Variants in DMD observed in about 807,000 individuals in gnomAD.
The protein encoded by DMD is dystrophin.
In DMD, 63 loss-of-function variants were observed where a neutral mutation model predicts 330.1. That is an observed-to-expected ratio of 0.19 (90% confidence interval 0.16 to 0.24). The LOEUF is 0.24. DMD is among the 10% of genes least tolerant of loss of function. The pLI is 1.00. For missense variants in DMD, 3,344 were observed against 2,684.1 expected (o/e 1.25, Z -5.43); for synonymous variants, 1,223 against 959.8 (o/e 1.27, Z -5.07).
intron 43 of DMD, among the ~76,000 whole-genome samples, chrX:32,273,973 GCA>G (rs1261198027): frequency 8.9e-6 from 1 of 111,835 alleles, no homozygotes; most frequent in African/African-American, 3.3e-5. Context: ...AGTACATTTA[GCA>G]CAGTTTTATT....
chrX:31,254,449 C>G (rs6631284), intron 63 of DMD, among the ~76,000 whole-genome samples: 1 of 110,282 alleles, frequency 9.1e-6, no homozygotes, highest in Non-Finnish European at 1.9e-5. Flanking sequence ...CTCGTCCTCC[C>G]GGGCTCAAGC....
intron 30 of DMD, among the ~76,000 whole-genome samples, chrX:32,411,505 A>G (rs969300462): frequency 9.0e-6 from 1 of 111,567 alleles, no homozygotes; most frequent in African/African-American, 3.3e-5. Flanking sequence ...CAGAAACACC[A>G]GAACGTATTG....
intron 16 of DMD, among the ~76,000 whole-genome samples, chrX:32,554,766 T>G (rs1345677219): frequency 1.1e-5 from 1 of 90,098 alleles, no homozygotes; most frequent in Non-Finnish European, 2.2e-5. Context: ...CAAACTTATA[T>G]TATGAGGTCA....
intron 42 of DMD, among the ~76,000 whole-genome samples, chrX:32,294,134 T>C (rs2097485893): frequency 9.0e-6 from 1 of 111,711 alleles, no homozygotes; most frequent in Non-Finnish European, 1.9e-5. Flanking sequence ...CTCTGAATTC[T>C]TTTAAGTCAC....
At chrX:32,214,810 C>A (rs939748879) in intron 44 of DMD, among the ~76,000 whole-genome samples, 2 of 111,946 alleles carry the variant, frequency 1.8e-5, no homozygotes, top group Non-Finnish European at 3.8e-5. Flanking sequence ...TTTGAAGTAT[C>A]AAGCACGCGC....
At chrX:32,320,401 A>T (rs2097606738) in intron 41 of DMD, among the ~76,000 whole-genome samples, 1 of 111,958 alleles carries the variant, frequency 8.9e-6, no homozygotes, top group South Asian at 3.6e-4. Context: ...AAAGAAATGT[A>T]AATCTAAATT....
chrX:31,750,291 G>A (rs1834903925), intron 51 of DMD, among the ~76,000 whole-genome samples: 1 of 106,455 alleles, frequency 9.4e-6, no homozygotes, highest in African/African-American at 3.4e-5. Flanking sequence ...TAACGTTTAA[G>A]TCTTTAATCC....
intron 12 of DMD, among the ~76,000 whole-genome samples, chrX:32,601,751 C>A (rs1445395406): frequency 9.1e-6 from 1 of 109,710 alleles, no homozygotes; most frequent in Non-Finnish European, 1.9e-5. Flanking sequence ...CCACACCAAG[C>A]CTCAGCTTCC....
At chrX:32,512,875 G>A (rs2045479945) in intron 18 of DMD, among the ~76,000 whole-genome samples, 1 of 111,512 alleles carries the variant, frequency 9.0e-6, no homozygotes, top group Admixed American at 9.5e-5. Flanking sequence ...CAAGGAAGTG[G>A]GGCTTTGTTT....
intron 51 of DMD, among the ~76,000 whole-genome samples, chrX:31,751,176 C>A (rs1166951050): frequency 9.2e-6 from 1 of 109,229 alleles, no homozygotes; most frequent in Non-Finnish European, 1.9e-5. Context: ...CAAAAAAGAG[C>A]CCGCATCGCC....
intron 2 of DMD, among the ~76,000 whole-genome samples, chrX:32,922,886 TGTAGA>T (rs2088580939): frequency 8.9e-6 from 1 of 112,634 alleles, no homozygotes; most frequent in Non-Finnish European, 1.9e-5. Flanking sequence ...TACACTGTAT[TGTAGA>T]GTCTCAATAA....
intron 51 of DMD, among the ~76,000 whole-genome samples, chrX:31,739,788 A>T (rs1409637038): frequency 1.8e-5 from 2 of 108,536 alleles, no homozygotes; most frequent in African/African-American, 6.7e-5. Flanking sequence ...AAAAAACTAA[A>T]AAATAAATAA....
intron 9 of DMD, among the ~76,000 whole-genome samples, chrX:32,669,637 T>C (rs1003162413): frequency 2.7e-5 from 3 of 111,951 alleles, no homozygotes; most frequent in African/African-American, 9.8e-5. Context: ...CTGTTGATAA[T>C]AAACCCTGAT....
At chrX:33,019,654 C>G (rs185419201) in intron 2 of DMD, among the ~76,000 whole-genome samples, 83 of 111,425 alleles carry the variant, frequency 7.4e-4, no homozygotes, top group African/African-American at 2.7e-3. Context: ...GGATTGAAGC[C>G]TGCACAAAAA....
intron 44 of DMD, among the ~76,000 whole-genome samples, chrX:32,155,060 G>GTTT (rs201936359): frequency 1.0e-5 from 1 of 95,561 alleles, no homozygotes. Flanking sequence ...CCCTTGCTGT[G>GTTT]TTTTTTTTTT....
intron 60 of DMD, among the ~76,000 whole-genome samples, chrX:31,390,665 TTCTC>T (rs1445505979): frequency 9.0e-6 from 1 of 111,409 alleles, no homozygotes; most frequent in Non-Finnish European, 1.9e-5. Flanking sequence ...ATCTGTTCAT[TTCTC>T]TCTATTTCCA....
At chrX:32,020,995 A>G (rs2095802217) in intron 44 of DMD, among the ~76,000 whole-genome samples, 1 of 112,245 alleles carries the variant, frequency 8.9e-6, no homozygotes, top group East Asian at 2.8e-4. Context: ...TGTGTGCACT[A>G]CAAATTGCAG....
chrX:32,166,270 C>T (rs1448327306), intron 44 of DMD, among the ~76,000 whole-genome samples: 1 of 110,427 alleles, frequency 9.1e-6, no homozygotes, highest in African/African-American at 3.3e-5. Flanking sequence ...GCCTGGGCAA[C>T]ACAGTGAGAC....
intron 48 of DMD, among the ~76,000 whole-genome samples, chrX:31,861,560 T>C (rs2149603697): frequency 1.0e-5 from 1 of 100,008 alleles, no homozygotes; most frequent in Non-Finnish European, 2.0e-5. Context: ...TGGTATATCC[T>C]TAGAACAGAA....
Sources: gnomAD v4.1 joint callset for allele counts (sites outside exome capture counted in the v4.1 genomes callset) on GRCh38, gnomAD v4.1.1 for gene constraint, MANE v1.5 for transcripts, NCBI Gene and HGNC (gene_info 2026-07-23, HGNC 2026-07-21) for gene names.